GRIN2A: variants seen among roughly 807,000 people sequenced by gnomAD.
GRIN2A encodes the protein glutamate ionotropic receptor NMDA type subunit 2A.
Under a neutral mutation model 113.4 loss-of-function variants are expected in GRIN2A, and 22 were observed. That is an observed-to-expected ratio of 0.19 (90% CI 0.14 to 0.28). GRIN2A has a LOEUF of 0.28. Ranked by LOEUF, GRIN2A falls within the 10% of genes least tolerant of loss-of-function variation. The probability of loss-of-function intolerance (pLI) is 1.00; values close to 1 mark genes in which losing one functional copy is unlikely to be tolerated. For synonymous variants in GRIN2A, 827 were observed against 738.4 expected, an observed-to-expected ratio of 1.12 and a Z score of -1.94; for missense variants, 1,502 against 1,887.0, an observed-to-expected ratio of 0.80 and a Z score of 3.78.
intron 2 of GRIN2A, among the ~76,000 whole-genome samples, chr16:10,013,725 T>G (rs548916301): frequency 6.6e-6 from 1 of 152,350 alleles, no homozygotes; most frequent in South Asian, 2.1e-4. Context: ...AGTGTTTCTT[T>G]TTAACTACAA....
intron 2 of GRIN2A, among the ~76,000 whole-genome samples, chr16:9,942,201 C>A (rs1404363263): frequency 1.3e-5 from 2 of 152,100 alleles, no homozygotes; most frequent in Non-Finnish European, 2.9e-5. Flanking sequence ...CTTAAAGCAC[C>A]CCTTTAACCA....
intron 2 of GRIN2A, among the ~76,000 whole-genome samples, chr16:9,950,536 A>G (rs993191466): frequency 9.9e-5 from 15 of 152,002 alleles, no homozygotes; most frequent in African/African-American, 3.6e-4. Context: ...CATCATTTTC[A>G]CCCCTCTCAC....
At chr16:9,774,644 C>G (rs1017192821) in intron 11 of GRIN2A, among the ~76,000 whole-genome samples, 1 of 152,316 alleles carries the variant, frequency 6.6e-6, no homozygotes, top group South Asian at 2.1e-4. Context: ...GATGAGGGCA[C>G]GCAGGTGCAG....
At chr16:9,891,966 C>T (rs2043702906) in intron 3 of GRIN2A, among the ~76,000 whole-genome samples, 1 of 152,098 alleles carries the variant, frequency 6.6e-6, no homozygotes, top group African/African-American at 2.4e-5. Context: ...TGGTGGCTCA[C>T]ACCTGTAATC....
intron 2 of GRIN2A, among the ~76,000 whole-genome samples, chr16:10,057,175 G>A (rs577604365): frequency 1.8e-4 from 27 of 152,288 alleles, no homozygotes; most frequent in African/African-American, 6.0e-4. Flanking sequence ...TGTTCTGTGT[G>A]CTAAGTGTAC....
chr16:10,157,094 G>A (rs769615659), intron 2 of GRIN2A, among the ~76,000 whole-genome samples: 6 of 152,052 alleles, frequency 3.9e-5, no homozygotes, highest in South Asian at 4.2e-4. Flanking sequence ...TGTCCAATGC[G>A]CCCCTTGAGT....
At chr16:9,878,755 G>A (rs958353360) in intron 4 of GRIN2A, among the ~76,000 whole-genome samples, 3 of 152,008 alleles carry the variant, frequency 2.0e-5, no homozygotes, top group South Asian at 2.1e-4. Context: ...TTGCTCTGCA[G>A]GAGAGCGCCT....
At chr16:10,059,767 G>T (rs1275139132) in intron 2 of GRIN2A, among the ~76,000 whole-genome samples, 1 of 151,624 alleles carries the variant, frequency 6.6e-6, no homozygotes, top group South Asian at 2.1e-4. Flanking sequence ...GTGGTGAGAG[G>T]TAAGAGGTAA....
intron 11 of GRIN2A, among the ~76,000 whole-genome samples, chr16:9,777,250 GC>G (rs1032829779): frequency 1.2e-4 from 18 of 151,898 alleles, no homozygotes; most frequent in Non-Finnish European, 2.9e-5. Context: ...CAAAACAAAG[GC>G]CCAATAAATC....
intron 2 of GRIN2A, among the ~76,000 whole-genome samples, chr16:9,995,456 C>T (rs1391465372): frequency 6.6e-6 from 1 of 152,142 alleles, no homozygotes; most frequent in Non-Finnish European, 1.5e-5. Flanking sequence ...CTGTTGTTGT[C>T]GTTGGTGGTG....
intron 4 of GRIN2A, among the ~76,000 whole-genome samples, chr16:9,863,288 C>G (rs1276385634): frequency 6.6e-6 from 1 of 152,186 alleles, no homozygotes; most frequent in Non-Finnish European, 1.5e-5. Context: ...GTTGGAGAAG[C>G]CAGGTTCTCG....
intron 2 of GRIN2A, among the ~76,000 whole-genome samples, chr16:10,145,299 T>C (rs2049416872): frequency 6.6e-6 from 1 of 152,174 alleles, no homozygotes; most frequent in Non-Finnish European, 1.5e-5. Context: ...CCTTAAAATG[T>C]TCTTAAGAGA....
intron 2 of GRIN2A, among the ~76,000 whole-genome samples, chr16:10,073,246 G>A (rs899184674): frequency 5.3e-5 from 8 of 152,064 alleles, no homozygotes; most frequent in African/African-American, 9.7e-5. Flanking sequence ...GTGAGCCACC[G>A]TGCCCAGTCA....
chr16:9,865,351 ATTTGAGAGCCC>A (rs1489051896), intron 4 of GRIN2A, among the ~76,000 whole-genome samples: 3 of 152,134 alleles, frequency 2.0e-5, no homozygotes, highest in Non-Finnish European at 4.4e-5. Context: ...GTAATCAACA[ATTTGAGAGCCC>A]TATGGAGCCA....
chr16:9,978,949 T>C (rs760438296), intron 2 of GRIN2A, among the ~76,000 whole-genome samples: 1 of 152,172 alleles, frequency 6.6e-6, no homozygotes, highest in Non-Finnish European at 1.5e-5. Flanking sequence ...CATTAAAAAG[T>C]AGTGCCCACA....
chr16:9,894,307 T>A (rs556133966), intron 3 of GRIN2A, among the ~76,000 whole-genome samples: 1 of 152,330 alleles, frequency 6.6e-6, no homozygotes, highest in South Asian at 2.1e-4. Flanking sequence ...AAGGTCATGG[T>A]GAGCCAGGAA....
intron 2 of GRIN2A, among the ~76,000 whole-genome samples, chr16:10,075,759 G>C (rs1227846136): frequency 6.6e-6 from 1 of 152,052 alleles, no homozygotes; most frequent in Non-Finnish European, 1.5e-5. Context: ...AAAATAATCA[G>C]ACAAGTGTTA....
chr16:9,970,652 G>T, intron 2 of GRIN2A: 1 of 344,270 alleles, frequency 2.9e-6, no homozygotes, highest in African/African-American at 2.2e-5. Context: ...AATCATTTTG[G>T]TTCAAGAAAT....
chr16:9,980,969 C>T (rs1448225045), intron 2 of GRIN2A, among the ~76,000 whole-genome samples: 2 of 149,134 alleles, frequency 1.3e-5, no homozygotes, highest in Non-Finnish European at 3.0e-5. Flanking sequence ...GCACATGTAC[C>T]CTAAAACTTA....
Sources: gnomAD v4.1 joint callset for allele counts (sites outside exome capture counted in the v4.1 genomes callset) on GRCh38, gnomAD v4.1.1 for gene constraint, MANE v1.5 for transcripts, NCBI Gene and HGNC (gene_info 2026-07-23, HGNC 2026-07-21) for gene names.